Variants in CFAP46 observed in about 807,000 individuals in gnomAD.
The protein encoded by CFAP46 is cilia- and flagella-associated protein 46.
CFAP46 carries 245 observed loss-of-function variants against 325.7 expected under a neutral mutation model. That is an observed-to-expected ratio of 0.75 (90% CI 0.68 to 0.84). The LOEUF is 0.84. Ranked by LOEUF, CFAP46 falls within the 40% of genes least tolerant of loss-of-function variation. The probability of loss-of-function intolerance (pLI) is 0.00; values close to 1 mark genes in which losing one functional copy is unlikely to be tolerated. For synonymous variants in CFAP46, 1,523 were observed against 1,495.9 expected, an observed-to-expected ratio of 1.02 and a Z score of -0.42; for missense variants, 3,346 against 3,543.0, an observed-to-expected ratio of 0.94 and a Z score of 1.41.
In CFAP46 at chr10:132,847,125, G is replaced by A; in HGVS notation, c.6088-14C>T. ...AACCATCCTCCTCTGTGGGGCACAA[G>A]GCTCAGGCTCAGGCCAGGCTCCGGG... On this transcript the variant is annotated splice_polypyrimidine_tract_variant and intron_variant, in intron 42 of 57. Transcript: ENST00000368586. This position sits in a 1 kb window ranked among gnomAD's most constrained non-coding sequence, Gnocchi z 5.2. The A allele has an allele frequency of 6.2e-7, 1 of 1,608,174 alleles. No homozygotes were observed. Among genetic ancestry groups the A allele is most frequent in the Non-Finnish European group, 8.5e-7 (1 of 1,177,704 alleles).
At position 132,924,843 on chromosome 10, in the gene CFAP46, C is replaced by T. The variant is rs934648166; in HGVS notation, c.1109G>A (p.Arg370Gln). Residue 370 changes from arginine to glutamine, a missense_variant, in exon 11 of 58, where the codon CGA becomes CAA. Transcript: ENST00000368586. The stretch of plus-strand genomic sequence containing the variant: ...CCGGGGGTCGCCCAGGCGCACGGCT[C>T]GCTGCAGCGCGACGTCTAGCCTCTG... ...IIQRLDVALQRAVRLGDPRVI... is the reference protein window; with the variant it reads ...IIQRLDVALQQAVRLGDPRVI... 162 of 1,434,378 alleles carry T rather than the reference C, an allele frequency of 1.1e-4. 1 individual carries two copies. Among genetic ancestry groups the T allele is most frequent in the Middle Eastern group, 9.1e-4 (5 of 5,496 alleles). The allele number at this position is 1,434,378 out of a possible 1,614,324, so 88.9% of individuals were successfully genotyped here. A position where few individuals can be genotyped will look rare whatever the true frequency, so the allele number is the denominator to read the frequency against.
At chr10:132,881,472 T>C (rs566919656) in intron 27 of CFAP46, among the ~76,000 whole-genome samples, 25 of 152,348 alleles carry the variant, frequency 1.6e-4, no homozygotes, top group African/African-American at 6.0e-4. Flanking sequence ...GTGTTTGCCC[T>C]GTCCTGCGTC....
rs1435046562 is a variant in CFAP46 at position 132,851,443 on chromosome 10, A to T, written c.5575-138T>A. 3 of 773,958 alleles carry T rather than the reference A, an allele frequency of 3.9e-6. No individual in the cohort carries two copies. The Admixed American group carries it at 8.5e-5, about 22-fold the overall frequency. 47.9% of individuals were successfully genotyped at this position (773,958 alleles called of 1,614,324 possible). The stretch of plus-strand genomic sequence containing the variant: ...CAGATCTACAGTGGAAAACTGACAC[A>T]CTTTGATCACGAATACACCCGTGAA... On this transcript the variant is annotated intron_variant, in intron 39 of 57. Coordinates refer to ENST00000368586, the MANE Select transcript of CFAP46 (RefSeq NM_001200049.3).
Position 132,899,657 on chromosome 10 carries a change from G to A in CFAP46, c.2934C>T (p.Ser978=). ...KYLKKFGPEE[S]RLVAEMLCTA... is the part of the protein sequence containing the mutation. ...TGCACAGCATCTCTGCCACCAGCCG[G>A]GACTCCTCGCTGCAGGAACAGGGCC... The change falls in exon 23 of 58, where the codon TCC becomes TCT. Residue 978 remains serine, a synonymous_variant. Transcript: ENST00000368586. 1 of 1,549,322 alleles carries A rather than the reference G, an allele frequency of 6.5e-7. No individual in the cohort carries two copies. The highest frequency in any genetic ancestry group is 8.7e-7 in the Non-Finnish European group (1 of 1,146,392).
intron 20 of CFAP46, 96 bp from the exon 21 acceptor site, chr10:132,909,340 C>T: frequency 5.8e-6 from 5 of 865,262 alleles, no homozygotes; most frequent in Non-Finnish European, 9.3e-6. Context: ...AGTTTTATGG[C>T]AATAATCAGA....
intron 33 of CFAP46, among the ~76,000 whole-genome samples, chr10:132,868,057 C>T (rs907118746): frequency 6.6e-6 from 1 of 152,232 alleles, no homozygotes; most frequent in Non-Finnish European, 1.5e-5. Context: ...GGGGTCACAG[C>T]AGAGGTCAAG....
At chr10:132,862,595 CG>C (rs1003019492) in intron 35 of CFAP46, among the ~76,000 whole-genome samples, 1 of 151,820 alleles carries the variant, frequency 6.6e-6, no homozygotes, top group Non-Finnish European at 1.5e-5. Context: ...CTGAGGTCGG[CG>C]GGGGTCTGAG....
At chr10:132,843,891 A>G (rs1848390743) in intron 44 of CFAP46, among the ~76,000 whole-genome samples, 1 of 126,144 alleles carries the variant, frequency 7.9e-6, no homozygotes, top group Non-Finnish European at 1.6e-5. Flanking sequence ...GGGTGTTCTC[A>G]GGGTGCTGTG....
chr10:132,857,285 C>T (rs1439174001), intron 39 of CFAP46, among the ~76,000 whole-genome samples: 2 of 152,236 alleles, frequency 1.3e-5, no homozygotes, highest in Non-Finnish European at 2.9e-5. Flanking sequence ...CAGTGCCTGG[C>T]TCTCCCCAGG....
In CFAP46 at chr10:132,880,997, G is replaced by A. The variant is rs1237173230; in HGVS notation, c.3663C>T (p.Leu1221=). 1 of 1,550,428 alleles carries A rather than the reference G, an allele frequency of 6.4e-7. No individual in the cohort carries two copies. The highest frequency in any genetic ancestry group is 1.4e-5 in the African/African-American group (1 of 73,052). Residue 1221 remains leucine, a synonymous_variant, in exon 28 of 58, where the codon CTC becomes CTT. Coordinates refer to ENST00000368586, the MANE Select transcript of CFAP46 (RefSeq NM_001200049.3). ...GATGGAGCCACTGGCCGAACTCCAT[G>A]AGGTACTCCACCTTCTGCCACTCCA... ...PEMEWQKVEY[L]MEFGQWLHHR...
intron 24 of CFAP46, among the ~76,000 whole-genome samples, chr10:132,897,274 G>T (rs1201388941): frequency 6.6e-6 from 1 of 152,184 alleles, no homozygotes; most frequent in African/African-American, 2.4e-5. Context: ...TTAAAAATTA[G>T]GAACATTTAT....
chr10:132,872,846 A>G, intron 31 of CFAP46, 22 bp from the exon 32 acceptor site: 1 of 1,550,454 alleles, frequency 6.4e-7, no homozygotes, highest in South Asian at 1.2e-5. Context: ...CATAACACAC[A>G]CAGGAGGTCA....
chr10:132,895,234 G>A (rs1849303508), intron 24 of CFAP46, among the ~76,000 whole-genome samples: 1 of 152,206 alleles, frequency 6.6e-6, no homozygotes, highest in Admixed American at 6.5e-5. Context: ...TCAATTGACA[G>A]AGAAAAGGCA....
At chr10:132,853,648 G>A (rs1220060938) in intron 39 of CFAP46, among the ~76,000 whole-genome samples, 4 of 152,076 alleles carry the variant, frequency 2.6e-5, no homozygotes, top group African/African-American at 7.2e-5. Context: ...TGGGCTTGAC[G>A]TTTCCTTTGT....
chr10:132,872,768 C>T lies in CFAP46; in HGVS notation c.4419G>A (p.Leu1473=). The T allele has an allele frequency of 1.3e-6, 2 of 1,551,058 alleles. No homozygotes were observed. Among genetic ancestry groups the T allele is most frequent in the Non-Finnish European group, 1.7e-6 (2 of 1,147,106 alleles). The part of the protein sequence containing the change: ...HLVKALQKMC[L]HELTVPVLQL... ...GCAGGACGGGAACCGTGAGTTCGTGCAGGCACATCTTCTGCAGGGCCTTGA... is the reference window on the plus strand; with the variant it reads ...GCAGGACGGGAACCGTGAGTTCGTGTAGGCACATCTTCTGCAGGGCCTTGA... The change falls in exon 32 of 58, where the codon CTG becomes CTA. Residue 1473 remains leucine, a synonymous_variant. Transcript: ENST00000368586.
chr10:132,933,097 C>A (rs1319097263), intron 8 of CFAP46, among the ~76,000 whole-genome samples: 1 of 152,238 alleles, frequency 6.6e-6, no homozygotes, highest in South Asian at 2.1e-4. Flanking sequence ...CGACTCAACT[C>A]GGCCCTCAGT....
chr10:132,838,030 A>G (rs1175755786), intron 44 of CFAP46, among the ~76,000 whole-genome samples: 1 of 151,780 alleles, frequency 6.6e-6, no homozygotes, highest in Admixed American at 6.6e-5. Context: ...CCGTGCCCCC[A>G]TGCTCCCCTG....
chr10:132,886,722 C>T lies in CFAP46; in HGVS notation c.3305-763G>A, dbSNP rs1849137408. ...ACTCTGCCACCTTCCGGCCAAGAGT[C>T]CTTTTACCTCAAGGATTCCAAGAGC... On this transcript the variant is annotated intron_variant, in intron 25 of 57. Transcript: ENST00000368586. This position sits in a 1 kb window ranked among gnomAD's most constrained non-coding sequence, Gnocchi z 5.8. Among the ~76,000 whole-genome samples the T allele has an allele frequency of 2.0e-5, 3 of 152,172 alleles. No individual in the cohort carries two copies. In the South Asian group the frequency reaches 6.2e-4, roughly 31 times the overall value.
chr10:132,846,445 G>C (rs997691941), intron 43 of CFAP46, among the ~76,000 whole-genome samples: 1 of 152,206 alleles, frequency 6.6e-6, no homozygotes, highest in African/African-American at 2.4e-5. Context: ...TGCACGGACA[G>C]GGCACTGCTG....
Sources: gnomAD v4.1 joint callset for allele counts (sites outside exome capture counted in the v4.1 genomes callset) on GRCh38, gnomAD v4.1.1 for gene constraint, Gnocchi (gnomAD v3.1) non-coding constraint, MANE v1.5 for transcripts, NCBI Gene and HGNC (gene_info 2026-07-23, HGNC 2026-07-21) for gene names.